SLC12A8: variants seen among roughly 807,000 people sequenced by gnomAD.
SLC12A8 encodes cation-chloride cotransporter 9.
SLC12A8 carries 69 observed loss-of-function variants against 75.6 expected under a neutral mutation model. The observed-to-expected ratio is 0.91, with a 90% CI of 0.75 to 1.11. The LOEUF (loss-of-function observed/expected upper bound fraction) is 1.11. SLC12A8 is among the 50% of genes most tolerant of loss of function. The probability of loss-of-function intolerance (pLI) is 0.00; values close to 1 mark genes in which losing one functional copy is unlikely to be tolerated. For synonymous variants in SLC12A8, 365 were observed against 372.8 expected, an observed-to-expected ratio of 0.98 and a Z score of 0.24; for missense variants, 877 against 896.7, an observed-to-expected ratio of 0.98 and a Z score of 0.28.
chr3:125,184,440 G>A (rs1934731521), intron 4 of SLC12A8, among the ~76,000 whole-genome samples: 1 of 152,120 alleles, frequency 6.6e-6, no homozygotes, highest in Non-Finnish European at 1.5e-5. Context: ...CCATTTATCT[G>A]TGGCTGCATT....
rs376695640 is a variant in SLC12A8 at position 125,095,808 on chromosome 3, A to T, written c.1706-3610T>A. ...AGAGAGCCTCCCACGGAGTTGGAAC[A>T]CCCTTCTTGCACTGTAAAGCAAGTA... On this transcript the variant is annotated intron_variant, in intron 10 of 13. Coordinates refer to ENST00000469902, the MANE Select transcript of SLC12A8 (RefSeq NM_024628.6). Among the ~76,000 whole-genome samples the T allele has an allele frequency of 1.6e-4, 25 of 152,238 alleles. No individual in the cohort carries two copies. In the South Asian group the frequency reaches 3.7e-3, roughly 23 times the overall value.
At chr3:125,184,121 C>T (rs1337624902) in intron 4 of SLC12A8, among the ~76,000 whole-genome samples, 4 of 151,850 alleles carry the variant, frequency 2.6e-5, no homozygotes, top group African/African-American at 4.8e-5. Context: ...TACAGACGTG[C>T]GCCACCACGC....
At chr3:125,163,066 G>A (rs1934209102) in intron 5 of SLC12A8, among the ~76,000 whole-genome samples, 1 of 152,188 alleles carries the variant, frequency 6.6e-6, no homozygotes, top group African/African-American at 2.4e-5. Flanking sequence ...CCCTTTGGGA[G>A]GCCAAGACAG....
intron 10 of SLC12A8, among the ~76,000 whole-genome samples, chr3:125,093,040 T>C (rs1305232180): frequency 6.6e-6 from 1 of 152,170 alleles, no homozygotes; most frequent in Non-Finnish European, 1.5e-5. Flanking sequence ...TCTATGTCAA[T>C]GTGTACACAT....
chr3:125,140,874 C>T (rs538521016), intron 5 of SLC12A8, among the ~76,000 whole-genome samples: 13 of 152,236 alleles, frequency 8.5e-5, no homozygotes, highest in South Asian at 4.1e-4. Context: ...CGTGAGCCAC[C>T]ACGTCTAGCC....
intron 2 of SLC12A8, among the ~76,000 whole-genome samples, chr3:125,194,017 C>T (rs1371508240): frequency 6.6e-6 from 1 of 152,134 alleles, no homozygotes; most frequent in African/African-American, 2.4e-5. Flanking sequence ...ACATAATGGG[C>T]TGGGGAAAAG....
At chr3:125,181,957 TG>T (rs1934673316) in intron 4 of SLC12A8, among the ~76,000 whole-genome samples, 1 of 151,732 alleles carries the variant, frequency 6.6e-6, no homozygotes, top group Admixed American at 6.6e-5. Flanking sequence ...GAGACCAAGG[TG>T]AGAGGATCAC....
intron 10 of SLC12A8, among the ~76,000 whole-genome samples, chr3:125,105,216 G>A (rs1357485094): frequency 6.6e-6 from 1 of 151,806 alleles, no homozygotes; most frequent in Non-Finnish European, 1.5e-5. Context: ...AGATAATAGA[G>A]GGGGGATGGA....
chr3:125,203,042 C>T (rs1311995297), intron 2 of SLC12A8, among the ~76,000 whole-genome samples: 2 of 136,832 alleles, frequency 1.5e-5, no homozygotes, highest in African/African-American at 2.7e-5. Flanking sequence ...GAGCTGAGAT[C>T]GCATCATTGC....
At chr3:125,139,666 A>G (rs1267176149) in intron 5 of SLC12A8, among the ~76,000 whole-genome samples, 2 of 152,116 alleles carry the variant, frequency 1.3e-5, no homozygotes, top group African/African-American at 4.8e-5. Context: ...GTGGGTGCCC[A>G]GGGGAGGCAC....
At chr3:125,122,317 T>G (rs1323740529) in intron 6 of SLC12A8, among the ~76,000 whole-genome samples, 1 of 152,246 alleles carries the variant, frequency 6.6e-6, no homozygotes, top group Non-Finnish European at 1.5e-5. Flanking sequence ...ATGATCATTT[T>G]GAAACGTGAA....
intron 5 of SLC12A8, among the ~76,000 whole-genome samples, chr3:125,140,317 T>C (rs940025990): frequency 6.6e-6 from 1 of 152,096 alleles, no homozygotes; most frequent in African/African-American, 2.4e-5. Context: ...CTCCGGAACG[T>C]GAAAAAGCTT....
In SLC12A8 at chr3:125,107,762, C is replaced by A. The variant is rs776892915; in HGVS notation, c.1424G>T (p.Ser475Ile). The change falls in exon 10 of 14, where the codon AGC becomes ATC. Residue 475 changes from serine to isoleucine, a missense_variant. Transcript: ENST00000469902. ...GTTACCCTCTCCTTGCCTGGGCTGG[C>A]TACTCTCAAGCTTCCTGGTTAGCTG... ...LLQLTRKLES[S>I]QPRQGEGNRT... 2.5e-6 allele frequency: 4 copies of A among 1,614,156 alleles called. No individual in the cohort carries two copies.
At chr3:125,173,805 C>T (rs1055868230) in intron 5 of SLC12A8, among the ~76,000 whole-genome samples, 1 of 152,194 alleles carries the variant, frequency 6.6e-6, no homozygotes, top group Admixed American at 6.5e-5. Context: ...TAAAACTCAA[C>T]AGTGGCCGGG....
chr3:125,135,015 C>T (rs1933453279), intron 6 of SLC12A8, among the ~76,000 whole-genome samples: 1 of 152,190 alleles, frequency 6.6e-6, no homozygotes, highest in African/African-American at 2.4e-5. Context: ...TAGCTTATTG[C>T]CTTCCAGGCC....
intron 5 of SLC12A8, among the ~76,000 whole-genome samples, chr3:125,170,471 C>G (rs1934383772): frequency 6.6e-6 from 1 of 152,116 alleles, no homozygotes; most frequent in African/African-American, 2.4e-5. Flanking sequence ...TGAGGACATC[C>G]TAAATGTACT....
intron 4 of SLC12A8, among the ~76,000 whole-genome samples, chr3:125,186,580 C>T (rs949091816): frequency 1.3e-5 from 2 of 152,246 alleles, no homozygotes; most frequent in African/African-American, 2.4e-5. Context: ...AGAACTGCTT[C>T]TTAATGTCTG....
At chr3:125,176,188 T>G (rs913261830) in intron 5 of SLC12A8, among the ~76,000 whole-genome samples, 14 of 152,256 alleles carry the variant, frequency 9.2e-5, no homozygotes, top group African/African-American at 3.4e-4. Context: ...CAGGCCCCAC[T>G]TCTCACCTCA....
chr3:125,163,976 G>A (rs928223758), intron 5 of SLC12A8, among the ~76,000 whole-genome samples: 6 of 152,256 alleles, frequency 3.9e-5, no homozygotes, highest in Non-Finnish European at 7.3e-5. Context: ...AGCTGAGCGT[G>A]TCTATGGCCT....
Sources: allele counts gnomAD v4.1 joint callset (sites outside exome capture counted in the v4.1 genomes callset), GRCh38; gene constraint gnomAD v4.1.1; transcripts MANE v1.5; gene names NCBI Gene and HGNC (gene_info 2026-07-23, HGNC 2026-07-21).